Variants in ACP3 observed in about 807,000 individuals in gnomAD.
ACP3 encodes the protein acid phosphatase 3, also known as prostatic acid phosphatase.
A neutral mutation model predicts 45.6 loss-of-function variants in ACP3; 38 were observed. The observed-to-expected ratio is 0.83, with a 90% confidence interval of 0.64 to 1.09. The LOEUF (loss-of-function observed/expected upper bound fraction) is 1.09, where lower values mean the gene tolerates loss of function less well. Among genes scored for constraint, ACP3 ranks in the 50% least tolerant of loss-of-function variants. ACP3 has a pLI of 0.00. For synonymous variants in ACP3, 162 were observed against 164.7 expected (o/e 0.98, Z 0.13); for missense variants, 466 against 463.2 (o/e 1.01, Z -0.05).
At chr3:132,325,696 T>C (rs1937287616) in intron 1 of ACP3, among the ~76,000 whole-genome samples, 1 of 151,702 alleles carries the variant, frequency 6.6e-6, no homozygotes, top group Admixed American at 6.6e-5. Context: ...CATTCAGATT[T>C]AGCTGGTGGG....
rs977471988 is a variant in ACP3, at chr3:132,329,375, G to C, written c.216+1013G>C. ...TGTGTCCTGGGCATTGGGATTTTTA[G>C]AAGCTCCTTGGTGATCAGTTCACTC... On this transcript the variant is annotated intron_variant, in intron 2 of 9. Transcript: ENST00000336375. Among the ~76,000 whole-genome samples the C allele has an allele frequency of 5.3e-5, 8 of 152,106 alleles. No individual in the cohort carries two copies. The South Asian group carries it at 1.5e-3, about 28-fold the overall frequency.
chr3:132,351,922 C>T (rs2107814490), intron 8 of ACP3, among the ~76,000 whole-genome samples: 1 of 152,258 alleles, frequency 6.6e-6, no homozygotes, highest in East Asian at 1.9e-4. Flanking sequence ...AAACATTTAG[C>T]TTTACAATTA....
Position 132,357,109 on chromosome 3 carries a change from A to G in ACP3, c.*231A>G, listed in dbSNP as rs1937925316. ...GTTTTGTTTTTCAGCGTTAATGTAA[A>G]GGGGCAGCAGTGCCAAAATATAATC... On this transcript the variant is annotated 3_prime_UTR_variant, in exon 10 of 10. Transcript: ENST00000336375. 8 of 1,250,468 alleles carry G rather than the reference A, an allele frequency of 6.4e-6. No individual in the cohort carries two copies. Among genetic ancestry groups the G allele is most frequent in the Non-Finnish European group, 8.1e-6 (8 of 992,530 alleles). The allele number at this position is 1,250,468 out of a possible 1,614,324, so 77.5% of individuals were successfully genotyped here. A position where few individuals can be genotyped will look rare whatever the true frequency, so the allele number is the denominator to read the frequency against.
chr3:132,332,142 A>T, intron 3 of ACP3, 50 bp from the exon 4 acceptor site: 1 of 1,610,616 alleles, frequency 6.2e-7, no homozygotes, highest in Non-Finnish European at 8.5e-7. Context: ...TGTAGAAAAA[A>T]ACCTCATGCT....
chr3:132,355,471 C>CTTATTTTATTATATCTTATT (rs1937860473), intron 9 of ACP3, among the ~76,000 whole-genome samples: 1 of 146,322 alleles, frequency 6.8e-6, no homozygotes, highest in Non-Finnish European at 1.5e-5. Flanking sequence ...TTATAGACAT[C>CTTATTTTATTATATCTTATT]TTATTTTATT....
chr3:132,327,362 A>G (rs886604519), intron 1 of ACP3, among the ~76,000 whole-genome samples: 2 of 151,730 alleles, frequency 1.3e-5, no homozygotes, highest in African/African-American at 4.8e-5. Context: ...AAAAATACAA[A>G]GATTAGCTGG....
chr3:132,357,168 CCCATGAACTATATGACTGG>C lies in ACP3; in HGVS notation c.*294_*312del. On this transcript the variant is annotated 3_prime_UTR_variant, in exon 10 of 10. Transcript: ENST00000336375. Reference sequence around the variant, plus strand: ...AGCTTAGGTCAAAGTTCATAGAGTTCCCATGAACTATATGACTGGCCACACAGGATCTTTTGTATTTAAG... The same window carrying C: ...AGCTTAGGTCAAAGTTCATAGAGTTCCCACACAGGATCTTTTGTATTTAAG... 9.2e-7 allele frequency: 1 copy of C among 1,092,060 alleles called. No homozygotes were observed. Among genetic ancestry groups the C allele is most frequent in the Non-Finnish European group, 1.1e-6 (1 of 896,662 alleles). The allele number at this position is 1,092,060 out of a possible 1,614,324, so 67.6% of individuals were successfully genotyped here.
downstream of ACP3, among the ~76,000 whole-genome samples, chr3:132,363,283 A>G (rs1194502305): frequency 1.3e-5 from 2 of 152,060 alleles, no homozygotes; most frequent in Non-Finnish European, 2.9e-5. Context: ...CAAGCTGCCT[A>G]CTGATAGTCT....
At chr3:132,347,944 C>A (rs1365748440) in intron 7 of ACP3, among the ~76,000 whole-genome samples, 1 of 151,994 alleles carries the variant, frequency 6.6e-6, no homozygotes, top group African/African-American at 2.4e-5. Context: ...TCTTCTTGCT[C>A]TAGGCCAGAG....
chr3:132,317,801 T>C (rs1937137181), intron 1 of ACP3, among the ~76,000 whole-genome samples: 1 of 152,246 alleles, frequency 6.6e-6, no homozygotes, highest in Non-Finnish European at 1.5e-5. Context: ...GGTTGCTTTT[T>C]ATTTGCTTTT....
chr3:132,355,935 A>C (rs749528880), intron 9 of ACP3, among the ~76,000 whole-genome samples: 3 of 152,216 alleles, frequency 2.0e-5, no homozygotes, highest in Non-Finnish European at 4.4e-5. Flanking sequence ...CACCAAAAGA[A>C]GGATCTCTAA....
chr3:132,324,004 G>A (rs1285086548), intron 1 of ACP3, among the ~76,000 whole-genome samples: 5 of 152,198 alleles, frequency 3.3e-5, no homozygotes, highest in African/African-American at 9.6e-5. Flanking sequence ...GATCACCTGA[G>A]GTCGGGAGTT....
At chr3:132,334,011 C>T (rs543171135) in intron 4 of ACP3, among the ~76,000 whole-genome samples, 1 of 152,284 alleles carries the variant, frequency 6.6e-6, no homozygotes, top group South Asian at 2.1e-4. Context: ...GTGGAGGTTG[C>T]AGTGAGCCAA....
intron 9 of ACP3, 131 bp from the exon 10 acceptor site, chr3:132,356,555 G>T: frequency 1.3e-6 from 2 of 1,534,626 alleles, no homozygotes; most frequent in Non-Finnish European, 8.8e-7. Flanking sequence ...CACCTAAATT[G>T]GCTAAAATCT....
rs561832892 is a variant in ACP3, at chr3:132,331,684, T to C, written c.254T>C (p.Ile85Thr). ...MEQHYELGEYIRKRYRKFLNE... is the reference protein window; with the variant it reads ...MEQHYELGEYTRKRYRKFLNE... ...CAGCATTATGAACTTGGAGAGTATA[T>C]AAGAAAGAGATATAGAAAATTCTTG... Residue 85 changes from isoleucine (I) to threonine (T), a missense_variant, in exon 3 of 10, where the codon ATA becomes ACA. Ile to Thr is a moderately conservative substitution (Grantham distance 89). Coordinates refer to ENST00000336375, the MANE Select transcript of ACP3 (RefSeq NM_001099.5). The C allele has an allele frequency of 5.7e-5, 91 of 1,607,476 alleles. No individual in the cohort carries two copies. Among genetic ancestry groups the C allele is most frequent in the Middle Eastern group, 3.3e-4 (2 of 6,062 alleles).
Position 132,357,708 on chromosome 3 carries a change from A to G in ACP3, c.*830A>G, listed in dbSNP as rs1220788636. 1.0e-6 allele frequency: 1 copy of G among 985,266 alleles called. No individual in the cohort carries two copies. The highest frequency in any genetic ancestry group is 1.7e-5 in the African/African-American group (1 of 57,222). The allele number at this position is 985,266 out of a possible 1,614,324, so 61.0% of individuals were successfully genotyped here. The stretch of plus-strand genomic sequence containing the variant: ...GAGCACCACGTGATGGAGTTTCTCT[A>G]GAAGCTCCAGTGATAAGAGATGTTG... On this transcript the variant is annotated 3_prime_UTR_variant, in exon 10 of 10. Transcript: ENST00000336375.
intron 8 of ACP3, among the ~76,000 whole-genome samples, chr3:132,351,846 A>G (rs1412507758): frequency 6.6e-6 from 1 of 152,142 alleles, no homozygotes. Context: ...CTAAGATTAG[A>G]TAGCTAATCA....
intron 1 of ACP3, among the ~76,000 whole-genome samples, chr3:132,319,160 A>C (rs1433599483): frequency 1.3e-5 from 2 of 152,200 alleles, no homozygotes; most frequent in Non-Finnish European, 2.9e-5. Context: ...GGGCCATTTA[A>C]TACATCTTTC....
intron 8 of ACP3, among the ~76,000 whole-genome samples, chr3:132,351,741 T>C (rs1383216503): frequency 6.6e-6 from 1 of 152,058 alleles, no homozygotes; most frequent in African/African-American, 2.4e-5. Flanking sequence ...CTCTATTAGA[T>C]TACTTCTAAC....
Sources: allele counts gnomAD v4.1 joint callset (sites outside exome capture counted in the v4.1 genomes callset), GRCh38; gene constraint gnomAD v4.1.1; transcripts MANE v1.5; gene names NCBI Gene and HGNC (gene_info 2026-07-23, HGNC 2026-07-21).